EVPL: variants seen among roughly 807,000 people sequenced by gnomAD.
EVPL encodes the protein 210 kDa cornified envelope precursor protein.
Under a neutral mutation model 129.7 loss-of-function variants are expected in EVPL, and 94 were observed. The ratio of observed to expected loss-of-function variants is 0.72; its 90% CI spans 0.61 to 0.86. EVPL has a LOEUF of 0.86. Ranked by LOEUF, EVPL falls within the 40% of genes least tolerant of loss-of-function variation. The pLI is 0.00. For synonymous variants in EVPL, 1,172 were observed against 1,191.1 expected, an observed-to-expected ratio of 0.98 and a Z score of 0.33; for missense variants, 2,625 against 2,721.1, an observed-to-expected ratio of 0.96 and a Z score of 0.79.
rs766319794 is a variant in EVPL at position 76,007,722 on chromosome 17, G to A, written c.5483C>T (p.Ala1828Val). 6.2e-7 allele frequency: 1 copy of A among 1,613,092 alleles called. No homozygotes were observed. The highest frequency in any genetic ancestry group is 8.5e-7 in the Non-Finnish European group (1 of 1,179,266). The change falls in exon 22 of 22, where the codon GCC (alanine) becomes GTC (valine). Residue 1828 changes from alanine (A) to valine (V), a missense_variant. Coordinates refer to ENST00000301607, the MANE Select transcript of EVPL (RefSeq NM_001988.4). The surrounding 1 kb of genome is among the most constrained non-coding windows in gnomAD (Gnocchi z 8.8). ...GTCTGTGGTTGTGTCATAGATCCCG[G>A]CGATAGGGAAGCTGTCATCACCGAG... Reference protein sequence around the residue: ...LGLGDDSFPIAGIYDTTTDNK... With the variant: ...LGLGDDSFPIVGIYDTTTDNK...
chr17:76,016,047 G>A (rs984511707), intron 14 of EVPL, among the ~76,000 whole-genome samples: 4 of 152,192 alleles, frequency 2.6e-5, no homozygotes, highest in African/African-American at 9.7e-5. Flanking sequence ...AGGAGGCTGA[G>A]GCAGGAGAAT....
chr17:76,014,441 C>T lies in EVPL; in HGVS notation c.2358G>A (p.Lys786=), dbSNP rs775672401. 1 of 1,610,410 alleles carries T rather than the reference C, an allele frequency of 6.2e-7. No individual in the cohort carries two copies. The highest frequency in any genetic ancestry group is 1.1e-5 in the South Asian group (1 of 90,936). Residue 786 remains lysine, a synonymous_variant, in exon 18 of 22, where the codon AAG becomes AAA. Transcript: ENST00000301607. ...PSDGPSQIAY[K]LQAQKRLTQE... is the part of the protein sequence containing the mutation. ...CCAGCCTCACCTTCTGCGCCTGCAG[C>T]TTGTAGGCGATCTGGCTGGGGCCGT...
Position 76,023,321 on chromosome 17 carries a change from C to G in EVPL, c.451G>C (p.Asp151His). The change falls in exon 4 of 22, where the codon GAC becomes CAC. Residue 151 changes from aspartate to histidine, a missense_variant. Physicochemically the swap from Asp to His is moderately conservative, Grantham distance 81. Transcript: ENST00000301607. ...TTCTGCTCCAGCACGCGTGCCCAGTCGACCCTGGGTCCCACGTCGGGGGGC... is the reference window on the plus strand; with the variant it reads ...TTCTGCTCCAGCACGCGTGCCCAGTGGACCCTGGGTCCCACGTCGGGGGGC... ...VLPPDVGPRV[D>H]WARVLEQKQK... 2 of 1,613,926 alleles carry G rather than the reference C, an allele frequency of 1.2e-6. No homozygotes were observed. The highest frequency in any genetic ancestry group is 1.7e-6 in the Non-Finnish European group (2 of 1,180,018).
At chr17:76,019,302 T>C (rs1189853087) in intron 10 of EVPL, among the ~76,000 whole-genome samples, 1 of 152,060 alleles carries the variant, frequency 6.6e-6, no homozygotes, top group Non-Finnish European at 1.5e-5. Context: ...CTCAGAGCTC[T>C]CCCAGGCTGC....
chr17:76,011,761 TCCCATCTCA>T lies in EVPL; in HGVS notation c.2568+2_2568+10del, dbSNP rs1359973295. The T allele has an allele frequency of 1.2e-6, 2 of 1,611,200 alleles. No homozygotes were observed. Among genetic ancestry groups the T allele is most frequent in the Admixed American group, 3.3e-5 (2 of 59,716 alleles). On this transcript the variant is annotated splice_donor_variant and splice_donor_5th_base_variant and intron_variant, in intron 20 of 21. Coordinates refer to ENST00000301607, the MANE Select transcript of EVPL (RefSeq NM_001988.4). LOFTEE classifies it high-confidence loss of function. ...TCAAGGTCCACTGAGCCCCGCAAGG[TCCCATCTCA>T]CCTGGGCTTGGATGCTCTCTTGCAG...
Position 76,007,520 on chromosome 17 carries a change from C to A in EVPL, c.5685G>T (p.Arg1895Ser), listed in dbSNP as rs1366396020. The A allele has an allele frequency of 4.3e-6, 7 of 1,613,918 alleles. No homozygotes were observed. Among genetic ancestry groups the A allele is most frequent in the South Asian group, 1.1e-5 (1 of 91,076 alleles). ...TGAAGGCCTTCTGGGCGTTAAGCAGCCTCTGTGTGGAGGTGTTCTCGATCA... is the reference window on the plus strand; with the variant it reads ...TGAAGGCCTTCTGGGCGTTAAGCAGACTCTGTGTGGAGGTGTTCTCGATCA... ...RGLIENTSTQ[R>S]LLNAQKAFTG... The change falls in exon 22 of 22, where the codon AGG becomes AGT. Residue 1895 changes from arginine (R) to serine (S), a missense_variant. Arg to Ser is a moderately radical substitution (Grantham distance 110). Transcript: ENST00000301607. This position sits in a 1 kb window ranked among gnomAD's most constrained non-coding sequence, Gnocchi z 8.8.
rs145713300 is a variant in EVPL, at chr17:76,009,465, G to A, written c.3740C>T (p.Thr1247Met). The A allele has an allele frequency of 3.3e-5, 54 of 1,613,840 alleles. No homozygotes were observed. Among genetic ancestry groups the A allele is most frequent in the African/African-American group, 6.7e-5 (5 of 74,864 alleles). Residue 1247 changes from threonine (T) to methionine (M), a missense_variant, in exon 22 of 22, where the codon ACG (threonine) becomes ATG (methionine). Physicochemically the swap from Thr to Met is moderately conservative, Grantham distance 81 (BLOSUM62 -1). This residue lies in a region of EVPL where 1,453 missense variants were observed against 1,511.8 expected (regional missense o/e 0.96). Transcript: ENST00000301607. The surrounding 1 kb of genome is among the most constrained non-coding windows in gnomAD (Gnocchi z 5.9). ...CTGGGTCACCTCCTTGTACTCCACC[G>A]TGGGCTTCTGGGCCCGCAGGACCTC... ...DLEVLRAQKP[T>M]VEYKEVTQEV...
intron 13 of EVPL, 98 bp downstream of exon 13, chr17:76,018,063 C>A: frequency 6.5e-7 from 1 of 1,533,246 alleles, no homozygotes; most frequent in South Asian, 1.2e-5. Context: ...GTGATGGTCC[C>A]TAACCCAAGG....
rs1382301293 is a variant in EVPL, at chr17:76,014,927, C to A, written c.2211G>T (p.Gln737His). The A allele has an allele frequency of 6.3e-7, 1 of 1,584,770 alleles. No homozygotes were observed. The highest frequency in any genetic ancestry group is 1.7e-5 in the Admixed American group (1 of 59,524). The change falls in exon 17 of 22, where the codon CAG becomes CAT. Residue 737 changes from glutamine (Q) to histidine (H), a missense_variant. Physicochemically the swap from Gln to His is conservative, Grantham distance 24. Transcript: ENST00000301607. The part of the protein sequence containing the change: ...LTDRYHAVGD[Q>H]LDLREKVVQD... Reference sequence around the variant, plus strand: ...ACCCAGTCGCTCACCGCAGGTCCAGCTGGTCCCCTACGGCGTGGTAGCGGT... The same window carrying A: ...ACCCAGTCGCTCACCGCAGGTCCAGATGGTCCCCTACGGCGTGGTAGCGGT...
At chr17:76,015,751 GC>G in intron 14 of EVPL, 123 bp from the exon 15 acceptor site, 1 of 1,021,040 alleles carries the variant, frequency 9.8e-7, no homozygotes, top group Non-Finnish European at 1.4e-6. Flanking sequence ...TTGGGCTCAG[GC>G]CAGAGAACTG....
At position 76,007,275 on chromosome 17, in the gene EVPL, C is replaced by T; in HGVS notation, c.5930G>A (p.Ser1977Asn). The T allele has an allele frequency of 6.4e-7, 1 of 1,560,722 alleles. No individual in the cohort carries two copies. The change falls in exon 22 of 22, where the codon AGC (serine) becomes AAC (asparagine). Residue 1977 changes from serine (S) to asparagine (N), a missense_variant. Coordinates refer to ENST00000301607, the MANE Select transcript of EVPL (RefSeq NM_001988.4). The surrounding 1 kb of genome is among the most constrained non-coding windows in gnomAD (Gnocchi z 8.8). ...ELAQLLQDESSYEKDLTDPIS... is the reference protein window; with the variant it reads ...ELAQLLQDESNYEKDLTDPIS... ...GGGGTCTGTCAAATCCTTCTCGTAG[C>T]TGGACTCGTCCTGCAGGAGCTGGGC...
Position 76,010,102 on chromosome 17 carries a change from G to A in EVPL, c.3103C>T (p.Leu1035Phe), listed in dbSNP as rs1383734363. ...CGGAGCTGCTGGATCTGGATCCTGA[G>A]CTGGGCCGCCTGGCTGTCCAGGCCG... ...DPGLDSQAAQ[L>F]RIQIQQLRGE... is the part of the protein sequence containing the mutation. The change falls in exon 22 of 22, where the codon CTC becomes TTC. Residue 1035 changes from leucine (L) to phenylalanine (F), a missense_variant. Transcript: ENST00000301607. 3 of 1,613,962 alleles carry A rather than the reference G, an allele frequency of 1.9e-6. No individual in the cohort carries two copies. The South Asian group carries it at 3.3e-5, about 18-fold the overall frequency.
At position 76,006,934 on chromosome 17, in the gene EVPL, A is replaced by T; in HGVS notation, c.*169T>A. ...TGCTGTCCTGGTCTGGGGATGGATC[A>T]GGCACCAAGGTTAGGGGAGGGAGCC... On this transcript the variant is annotated 3_prime_UTR_variant, in exon 22 of 22. Coordinates refer to ENST00000301607, the MANE Select transcript of EVPL (RefSeq NM_001988.4). 1.4e-6 allele frequency: 1 copy of T among 690,174 alleles called. No individual in the cohort carries two copies. Among genetic ancestry groups the T allele is most frequent in the Non-Finnish European group, 2.1e-6 (1 of 486,946 alleles). 42.8% of individuals were successfully genotyped at this position (690,174 alleles called of 1,614,324 possible).
chr17:76,026,242 ATT>A (rs61017516), intron 1 of EVPL, among the ~76,000 whole-genome samples: 24,147 of 130,032 alleles, frequency 0.19, 2,190 homozygotes, highest in Middle Eastern at 0.31. Context: ...TTGCGCCAGG[ATT>A]TTTTTTTTTT....
At position 76,009,438 on chromosome 17, in the gene EVPL, T is replaced by A; in HGVS notation, c.3767A>T (p.Glu1256Val). ...GGGGCTCCTCTCATGCCTCACCACC[T>A]CCTGGGTCACCTCCTTGTACTCCAC... Reference protein sequence around the residue: ...PTVEYKEVTQEVVRHERSPEV... With the variant: ...PTVEYKEVTQVVVRHERSPEV... Residue 1256 changes from glutamate to valine, a missense_variant, in exon 22 of 22, where the codon GAG becomes GTG. This residue lies in a region of EVPL where 1,453 missense variants were observed against 1,511.8 expected (regional missense o/e 0.96). Transcript: ENST00000301607. The surrounding 1 kb of genome is among the most constrained non-coding windows in gnomAD (Gnocchi z 5.9). 2 of 1,614,050 alleles carry A rather than the reference T, an allele frequency of 1.2e-6. No homozygotes were observed. Among genetic ancestry groups the A allele is most frequent in the Non-Finnish European group, 1.7e-6 (2 of 1,179,996 alleles).
chr17:76,018,836 G>C, intron 11 of EVPL, 78 bp downstream of exon 11: 1 of 1,451,746 alleles, frequency 6.9e-7, no homozygotes, highest in South Asian at 1.5e-5. Flanking sequence ...GGATGGAGCA[G>C]GGATGGGCTT....
At chr17:76,019,211 C>A in intron 10 of EVPL, 151 bp from the exon 11 acceptor site, 2 of 865,666 alleles carry the variant, frequency 2.3e-6, no homozygotes, top group Non-Finnish European at 3.3e-6. Context: ...CTCTGGGGGA[C>A]CTAGGATCCT....
intron 9 of EVPL, among the ~76,000 whole-genome samples, chr17:76,020,865 AT>A (rs1226706474): frequency 6.6e-6 from 1 of 151,614 alleles, no homozygotes; most frequent in Non-Finnish European, 1.5e-5. Context: ...CCCCCACGAA[AT>A]TTTAATACCA....
Position 76,015,615 on chromosome 17 carries a change from C to T in EVPL, c.1724G>A (p.Arg575His), listed in dbSNP as rs1485065405. ...CTTCTCCGTTCCCAGGCTCTGCAGG[C>T]GCTGGGCTGTGCCCTAAAGAGGGGC... Reference protein sequence around the residue: ...RIHSHEGTAQRLQSLGTEKET... With the variant: ...RIHSHEGTAQHLQSLGTEKET... Residue 575 changes from arginine to histidine, a missense_variant, in exon 15 of 22, where the codon CGC becomes CAC. Transcript: ENST00000301607. 6.2e-7 allele frequency: 1 copy of T among 1,613,034 alleles called. No individual in the cohort carries two copies.
Sources: allele counts gnomAD v4.1 joint callset (sites outside exome capture counted in the v4.1 genomes callset), GRCh38; gene constraint gnomAD v4.1.1; regional missense constraint gnomAD v4.1.1; non-coding constraint Gnocchi (gnomAD v3.1); transcripts MANE v1.5; gene names NCBI Gene and HGNC (gene_info 2026-07-23, HGNC 2026-07-21).